Variants in RORA observed in about 807,000 individuals in gnomAD.
RORA encodes the protein nuclear receptor ROR-alpha.
A neutral mutation model predicts 69.5 loss-of-function variants in RORA; 7 were observed. The ratio of observed to expected loss-of-function variants is 0.10; its 90% CI spans 0.06 to 0.19. The LOEUF is 0.19. Ranked by LOEUF, RORA falls within the 10% of genes least tolerant of loss-of-function variation. The probability of loss-of-function intolerance (pLI) is 1.00; values close to 1 mark genes in which losing one functional copy is unlikely to be tolerated. For synonymous variants in RORA, 261 were observed against 240.8 expected, an observed-to-expected ratio of 1.08 and a Z score of -0.78; for missense variants, 457 against 663.0, an observed-to-expected ratio of 0.69 and a Z score of 3.41.
intron 1 of RORA, among the ~76,000 whole-genome samples, chr15:60,970,422 A>G (rs542887146): frequency 6.6e-6 from 1 of 152,318 alleles, no homozygotes; most frequent in South Asian, 2.1e-4. Context: ...TTATTTCAGC[A>G]AGTCCCCACT....
chr15:60,736,194 C>G (rs2071496534), intron 1 of RORA, among the ~76,000 whole-genome samples: 3 of 152,036 alleles, frequency 2.0e-5, no homozygotes, highest in Admixed American at 6.5e-5. Flanking sequence ...CCTTTTTTTC[C>G]CCTGGTCCCA....
intron 2 of RORA, among the ~76,000 whole-genome samples, chr15:60,671,750 T>G (rs2070476911): frequency 6.6e-6 from 1 of 151,822 alleles, no homozygotes; most frequent in Admixed American, 6.6e-5. Context: ...TAGCTGAGAT[T>G]ACAGGCGTGT....
At chr15:61,086,522 C>A (rs759961257) in intron 1 of RORA, among the ~76,000 whole-genome samples, 1 of 152,074 alleles carries the variant, frequency 6.6e-6, no homozygotes, top group Non-Finnish European at 1.5e-5. Context: ...TTATATGCAT[C>A]AGAGGAACTA....
intron 1 of RORA, among the ~76,000 whole-genome samples, chr15:60,911,807 C>G (rs1891727598): frequency 6.7e-6 from 1 of 149,648 alleles, no homozygotes; most frequent in Non-Finnish European, 1.5e-5. Flanking sequence ...CCAAGTGATT[C>G]TCGTGCCTCA....
In RORA at chr15:60,703,252, T is replaced by A. The variant is rs530612013; in HGVS notation, c.167-24566A>T. On this transcript the variant is annotated intron_variant, in intron 1 of 10. Coordinates refer to ENST00000335670, the MANE Select transcript of RORA (RefSeq NM_134261.3). ...TGCTTAAAGAAGCACTTAATTTTGTTCTCATTAAGTCGCAGGGTTAAGGGC... is the reference window on the plus strand; with the variant it reads ...TGCTTAAAGAAGCACTTAATTTTGTACTCATTAAGTCGCAGGGTTAAGGGC... Among the ~76,000 whole-genome samples, 41 of 152,154 alleles carry A rather than the reference T, an allele frequency of 2.7e-4. 1 individual carries two copies. The highest frequency in any genetic ancestry group is 5.1e-4 in the Non-Finnish European group (35 of 68,028).
At chr15:61,012,033 T>A (rs1326271738) in intron 1 of RORA, among the ~76,000 whole-genome samples, 1 of 152,236 alleles carries the variant, frequency 6.6e-6, no homozygotes, top group Non-Finnish European at 1.5e-5. Context: ...GCTGTGGAGC[T>A]TCCGTTCACC....
Position 60,951,934 on chromosome 15 carries a change from A to T in RORA, c.167-273248T>A, listed in dbSNP as rs557503198. Among the ~76,000 whole-genome samples, 93 of 150,770 alleles carry T rather than the reference A, an allele frequency of 6.2e-4. 1 individual carries two copies. Among genetic ancestry groups the T allele is most frequent in the African/African-American group, 2.0e-3 (84 of 41,036 alleles). On this transcript the variant is annotated intron_variant, in intron 1 of 10. Coordinates refer to ENST00000335670, the MANE Select transcript of RORA (RefSeq NM_134261.3). ...AAAAAGAGGGAATCCTCCCTAACTC[A>T]TTTTATGAGGCCAGCATCATTCTGA...
intron 1 of RORA, among the ~76,000 whole-genome samples, chr15:60,844,920 T>C (rs1259192028): frequency 6.6e-6 from 1 of 152,284 alleles, no homozygotes; most frequent in Non-Finnish European, 1.5e-5. Flanking sequence ...ATGAAACGGT[T>C]TGTGGCCAAT....
intron 2 of RORA, among the ~76,000 whole-genome samples, chr15:60,596,148 A>G (rs1333070982): frequency 6.6e-6 from 1 of 152,190 alleles, no homozygotes; most frequent in East Asian, 1.9e-4. Context: ...TTGCCACCCC[A>G]AATCACAGAT....
chr15:60,497,842 T>C (rs753646536), intron 10 of RORA, among the ~76,000 whole-genome samples: 9 of 151,948 alleles, frequency 5.9e-5, no homozygotes, highest in Non-Finnish European at 1.2e-4. Flanking sequence ...TTGGATTGCC[T>C]GAGCTCAGGA....
At chr15:61,217,122 T>G (rs987702617) in intron 1 of RORA, among the ~76,000 whole-genome samples, 2 of 152,154 alleles carry the variant, frequency 1.3e-5, no homozygotes, top group Non-Finnish European at 2.9e-5. Flanking sequence ...GCTGGTGTAC[T>G]GAGAAGGCAA....
chr15:60,519,970 A>G (rs965854363), intron 3 of RORA: 1 of 152,172 alleles, frequency 6.6e-6, no homozygotes, highest in African/African-American at 2.4e-5. Context: ...GAGCAGTGGC[A>G]CTGTGGCTCG....
intron 1 of RORA, among the ~76,000 whole-genome samples, chr15:61,053,934 T>C (rs1180428184): frequency 6.8e-6 from 1 of 146,688 alleles, no homozygotes; most frequent in African/African-American, 2.5e-5. Flanking sequence ...ACAGTTTATT[T>C]TGGTTATTTT....
rs1161125686 is a variant in RORA, at chr15:60,669,424, G to A, written c.196+9233C>T. On this transcript the variant is annotated intron_variant, in intron 2 of 10. Transcript: ENST00000335670. ...CACACACAGAAGTAGTTCTAACTAAGGATAAAAATGTCACCTGGGTTCAGA... is the reference window on the plus strand; with the variant it reads ...CACACACAGAAGTAGTTCTAACTAAAGATAAAAATGTCACCTGGGTTCAGA... 2.0e-5 allele frequency among the ~76,000 whole-genome samples: 3 copies of A among 151,718 alleles called. No individual in the cohort carries two copies. The Admixed American group carries it at 2.0e-4, about 10-fold the overall frequency.
chr15:60,591,760 C>G (rs1007058959), intron 2 of RORA, among the ~76,000 whole-genome samples: 1 of 152,152 alleles, frequency 6.6e-6, no homozygotes, highest in Non-Finnish European at 1.5e-5. Context: ...GCGCCCGTCT[C>G]GCTCCGGCCC....
intron 2 of RORA, among the ~76,000 whole-genome samples, chr15:60,643,640 G>A (rs1035344077): frequency 6.6e-6 from 1 of 152,156 alleles, no homozygotes; most frequent in African/African-American, 2.4e-5. Context: ...CCAGGCAGAA[G>A]CTGAACCTCC....
intron 3 of RORA, among the ~76,000 whole-genome samples, chr15:60,515,981 TTATATATATTTATATATATTTA>T (rs1567051068): frequency 0.015 from 101 of 6,814 alleles, 13 homozygotes; most frequent in African/African-American, 0.043. Context: ...ATTTATATAT[TTATATATATTTATATATATTTA>T]TATATATTTA....
intron 2 of RORA, among the ~76,000 whole-genome samples, chr15:60,569,215 G>A (rs1212218276): frequency 6.8e-6 from 1 of 148,044 alleles, no homozygotes; most frequent in Non-Finnish European, 1.5e-5. Context: ...CTAAGAGTTC[G>A]AGACTAGCCT....
chr15:61,220,803 C>A (rs1381308302), intron 1 of RORA, among the ~76,000 whole-genome samples: 1 of 152,180 alleles, frequency 6.6e-6, no homozygotes, highest in Non-Finnish European at 1.5e-5. Flanking sequence ...TTTCATTGCC[C>A]TTGTTAAAGA....
Sources: gnomAD v4.1 joint callset for allele counts (sites outside exome capture counted in the v4.1 genomes callset) on GRCh38, gnomAD v4.1.1 for gene constraint, MANE v1.5 for transcripts, NCBI Gene and HGNC (gene_info 2026-07-23, HGNC 2026-07-21) for gene names.